The following TMEM45B variants were observed in gnomAD, a reference collection of about 807,000 sequenced individuals.
TMEM45B encodes the protein transmembrane protein 45B.
Under a neutral mutation model 27.3 loss-of-function variants are expected in TMEM45B, and 29 were observed. The ratio of observed to expected loss-of-function variants is 1.06; its 90% CI spans 0.79 to 1.45. The LOEUF is 1.45. Among genes scored for constraint, TMEM45B ranks in the 40% most tolerant of loss-of-function variants. The pLI is 0.00. For synonymous variants in TMEM45B, 143 were observed against 134.7 expected, an observed-to-expected ratio of 1.06 and a Z score of -0.43; for missense variants, 348 against 343.9, an observed-to-expected ratio of 1.01 and a Z score of -0.09.
chr11:129,855,114 C>T (rs1343272043), intron 3 of TMEM45B, among the ~76,000 whole-genome samples: 2 of 152,346 alleles, frequency 1.3e-5, no homozygotes, highest in African/African-American at 2.4e-5. Flanking sequence ...TGCTCACACA[C>T]GTGCATATTC....
chr11:129,827,677 C>A (rs1303292654), intron 1 of TMEM45B, among the ~76,000 whole-genome samples: 1 of 152,062 alleles, frequency 6.6e-6, no homozygotes, highest in Non-Finnish European at 1.5e-5. Flanking sequence ...GTGGTGCGTG[C>A]CTGTAATCCC....
rs1192996579 is a variant in TMEM45B, at chr11:129,841,584, G to GTT, written c.-8-10885_-8-10884dup. On this transcript the variant is annotated intron_variant, in intron 1 of 5. Transcript: ENST00000281441. Reference sequence around the variant, plus strand: ...TGTAATGGGCTTGAAGTTTTCTTTTGTTTTTTTGTTTTTTTTTTTTTTTTG... The same window carrying GTT: ...TGTAATGGGCTTGAAGTTTTCTTTTGTTTTTTTTTGTTTTTTTTTTTTTTTTG... 1.3e-3 allele frequency among the ~76,000 whole-genome samples: 136 copies of GTT among 102,528 alleles called. 2 individuals carry two copies. The highest frequency in any genetic ancestry group is 3.5e-3 in the South Asian group (11 of 3,120). 67.3% of individuals were successfully genotyped at this position (102,528 alleles called of 152,430 possible).
intron 1 of TMEM45B, among the ~76,000 whole-genome samples, chr11:129,848,581 G>T (rs558832272): frequency 6.6e-6 from 1 of 152,272 alleles, no homozygotes; most frequent in South Asian, 2.1e-4. Flanking sequence ...CAATGTGTAA[G>T]ATGTGAAACA....
chr11:129,820,966 C>T (rs1413924262), intron 1 of TMEM45B, among the ~76,000 whole-genome samples: 1 of 152,142 alleles, frequency 6.6e-6, no homozygotes, highest in Non-Finnish European at 1.5e-5. Context: ...TGACATCCTA[C>T]CAAGAAGGAT....
chr11:129,849,915 AGTCATTTTCCGAAATGACTTTGGG>A (rs1947820161), intron 1 of TMEM45B, among the ~76,000 whole-genome samples: 1 of 151,856 alleles, frequency 6.6e-6, no homozygotes. Context: ...ATGGCTTTGG[AGTCATTTTCCGAAATGACTTTGGG>A]GTCATTTTCC....
chr11:129,829,973 G>A (rs1356975186), intron 1 of TMEM45B, among the ~76,000 whole-genome samples: 1 of 152,180 alleles, frequency 6.6e-6, no homozygotes, highest in Non-Finnish European at 1.5e-5. Context: ...GGGACACTTG[G>A]ATATTCACAT....
In TMEM45B at chr11:129,855,893, G is replaced by C. The variant is rs879234499; in HGVS notation, c.570+1G>C. The C allele has an allele frequency of 6.2e-7, 1 of 1,613,990 alleles. No individual in the cohort carries two copies. The highest frequency in any genetic ancestry group is 1.7e-5 in the Admixed American group (1 of 60,008). ...TCTTCAGGGAACCTGGTTCTGGCAG[G>C]TGATTTTCCACACCCAGGCCCCTCG... is the stretch of plus-strand genomic sequence containing the variant. On this transcript the variant is annotated splice_donor_variant, in intron 4 of 5. Transcript: ENST00000281441. LOFTEE classifies it high-confidence loss of function.
chr11:129,840,946 T>TA (rs55905045), intron 1 of TMEM45B, among the ~76,000 whole-genome samples: 790 of 29,098 alleles, frequency 0.027, 22 homozygotes, highest in African/African-American at 0.043. Context: ...TTTCTTTCTG[T>TA]AAAAAAAAAA....
At position 129,852,526 on chromosome 11, in the gene TMEM45B, T is replaced by C; in HGVS notation, c.44T>C (p.Leu15Pro). 1 of 1,611,462 alleles carries C rather than the reference T, an allele frequency of 6.2e-7. No homozygotes were observed. Among genetic ancestry groups the C allele is most frequent in the Non-Finnish European group, 8.5e-7 (1 of 1,177,750 alleles). Reference sequence around the variant, plus strand: ...CACGCGCTTCCAGGGAGTTTCTTCCTGATCATTGGGCTGTGTTGGTCAGTG... The same window carrying C: ...CACGCGCTTCCAGGGAGTTTCTTCCCGATCATTGGGCTGTGTTGGTCAGTG... Reference protein sequence around the residue: ...KGHALPGSFFLIIGLCWSVKY... With the variant: ...KGHALPGSFFPIIGLCWSVKY... Residue 15 changes from leucine (L) to proline (P), a missense_variant, in exon 2 of 6, where the codon CTG (leucine) becomes CCG (proline). Leu to Pro is a moderately conservative substitution (Grantham distance 98). Coordinates refer to ENST00000281441, the MANE Select transcript of TMEM45B (RefSeq NM_138788.5).
chr11:129,857,184 A>G, intron 4 of TMEM45B, 129 bp from the exon 5 acceptor site: 1 of 1,119,324 alleles, frequency 8.9e-7, no homozygotes, highest in Non-Finnish European at 1.3e-6. Context: ...AGGCCTTTCT[A>G]TGCTAACGAA....
In TMEM45B at chr11:129,854,814, A is replaced by G. The variant is rs1004441980; in HGVS notation, c.383A>G (p.Glu128Gly). The change falls in exon 3 of 6, where the codon GAA (glutamate) becomes GGA (glycine). Residue 128 changes from glutamate (E) to glycine (G), a missense_variant and splice_region_variant. Glu to Gly is a moderately conservative substitution (Grantham distance 98, BLOSUM62 -2). Coordinates refer to ENST00000281441, the MANE Select transcript of TMEM45B (RefSeq NM_138788.5). ...RLVMAVAVFM[E>G]GFLFYYHVHN... ...GTTATGGCTGTGGCAGTATTCATGGAAGGTAATTTTGTGGAACGGATGGAG... is the reference window on the plus strand; with the variant it reads ...GTTATGGCTGTGGCAGTATTCATGGGAGGTAATTTTGTGGAACGGATGGAG... 6.8e-6 allele frequency: 11 copies of G among 1,612,724 alleles called. No homozygotes were observed. The highest frequency in any genetic ancestry group is 1.1e-5 in the South Asian group (1 of 91,078).
In TMEM45B at chr11:129,816,913, A is replaced by AT. The variant is rs35094646; in HGVS notation, c.-9+1029dup. On this transcript the variant is annotated intron_variant, in intron 1 of 5. Coordinates refer to ENST00000281441, the MANE Select transcript of TMEM45B (RefSeq NM_138788.5). ...CCACCACGCCCGGCTAATTTTTTGT[A>AT]TTTTTTTTTTTTTTGGTAGAGACGG... Among the ~76,000 whole-genome samples the AT allele has an allele frequency of 7.7e-3, 1,050 of 135,666 alleles. 8 individuals are homozygous for AT. The highest frequency in any genetic ancestry group is 0.016 in the African/African-American group (609 of 37,026). 89.0% of individuals were successfully genotyped at this position (135,666 alleles called of 152,430 possible). A position where few individuals can be genotyped will look rare whatever the true frequency, so the allele number is the denominator to read the frequency against.
intron 1 of TMEM45B, among the ~76,000 whole-genome samples, chr11:129,830,119 G>C (rs1194427861): frequency 5.3e-5 from 8 of 152,216 alleles, no homozygotes; most frequent in Admixed American, 5.2e-4. Flanking sequence ...CCTGAAGTTA[G>C]CAGTTCTAGA....
chr11:129,851,077 A>C (rs929010521), intron 1 of TMEM45B, among the ~76,000 whole-genome samples: 1 of 152,204 alleles, frequency 6.6e-6, no homozygotes, highest in Non-Finnish European at 1.5e-5. Context: ...CTGTTCTGAA[A>C]GCTGGGAAGT....
chr11:129,843,365 G>A (rs574324357), intron 1 of TMEM45B, among the ~76,000 whole-genome samples: 138 of 152,206 alleles, frequency 9.1e-4, no homozygotes, highest in Middle Eastern at 6.8e-3. Context: ...CCAGCTTTCC[G>A]CATCCTGGAT....
chr11:129,856,231 TGA>T lies in TMEM45B; in HGVS notation c.570+346_570+347del, dbSNP rs751409885. Among the ~76,000 whole-genome samples, 18 of 152,270 alleles carry T rather than the reference TGA, an allele frequency of 1.2e-4. No individual in the cohort carries two copies. The East Asian group carries it at 3.5e-3, about 29-fold the overall frequency. ...TGAAGTTCTGTTTTGTTGTTTGTTT[TGA>T]GAGAGACTCACCCTGTCACCCAGGC... On this transcript the variant is annotated intron_variant, in intron 4 of 5. Coordinates refer to ENST00000281441, the MANE Select transcript of TMEM45B (RefSeq NM_138788.5).
intron 1 of TMEM45B, among the ~76,000 whole-genome samples, chr11:129,837,343 T>C (rs1947632908): frequency 6.6e-6 from 1 of 151,974 alleles, no homozygotes. Context: ...TGAAGTGCAG[T>C]GGCGCCATCT....
intron 1 of TMEM45B, among the ~76,000 whole-genome samples, chr11:129,842,226 G>A (rs1431790080): frequency 6.6e-6 from 1 of 152,176 alleles, no homozygotes; most frequent in East Asian, 1.9e-4. Flanking sequence ...CGCAGAAAGG[G>A]AGAGAGAAAA....
At position 129,815,924 on chromosome 11, in the gene TMEM45B, C is replaced by T. The variant is rs941001079; in HGVS notation, c.-9+26C>T. On this transcript the variant is annotated intron_variant, in intron 1 of 5. Coordinates refer to ENST00000281441, the MANE Select transcript of TMEM45B (RefSeq NM_138788.5). The stretch of plus-strand genomic sequence containing the variant: ...GTCAGACGTCCGTACCCGCAGGGGG[C>T]TCGAACCTGGAGGAGGGCTCGAAGG... 26 of 1,270,038 alleles carry T rather than the reference C, an allele frequency of 2.0e-5. 1 individual carries two copies. The highest frequency in any genetic ancestry group is 2.6e-4 in the Middle Eastern group (1 of 3,858). 78.7% of individuals were successfully genotyped at this position (1,270,038 alleles called of 1,614,324 possible). A position where few individuals can be genotyped will look rare whatever the true frequency, so the allele number is the denominator to read the frequency against.
Sources: allele counts gnomAD v4.1 joint callset (sites outside exome capture counted in the v4.1 genomes callset), GRCh38; gene constraint gnomAD v4.1.1; transcripts MANE v1.5; gene names NCBI Gene and HGNC (gene_info 2026-07-23, HGNC 2026-07-21).